The following PLEK2 variants were observed in gnomAD, a reference collection of about 807,000 sequenced individuals.
PLEK2 encodes pleckstrin-2.
PLEK2 carries 29 observed loss-of-function variants against 43.8 expected under a neutral mutation model. The observed-to-expected ratio is 0.66, with a 90% CI of 0.49 to 0.90. The LOEUF (loss-of-function observed/expected upper bound fraction) is 0.90. Ranked by LOEUF, PLEK2 falls within the 40% of genes least tolerant of loss-of-function variation. PLEK2 has a pLI of 0.00. For missense variants in PLEK2, 398 were observed against 448.1 expected, an observed-to-expected ratio of 0.89 and a Z score of 1.01; for synonymous variants, 162 against 173.2, an observed-to-expected ratio of 0.94 and a Z score of 0.51.
chr14:67,391,800 C>T (rs906445019), intron 6 of PLEK2, among the ~76,000 whole-genome samples: 1 of 152,152 alleles, frequency 6.6e-6, no homozygotes, highest in South Asian at 2.1e-4. Flanking sequence ...CTCCCAAACA[C>T]GGTTTAGGAG....
At chr14:67,401,414 A>G (rs982614593) in intron 1 of PLEK2, among the ~76,000 whole-genome samples, 1 of 152,150 alleles carries the variant, frequency 6.6e-6, no homozygotes, top group Non-Finnish European at 1.5e-5. Flanking sequence ...TGGGAGGCTG[A>G]GGTGGGAGGA....
rs762163629 is a variant in PLEK2 at position 67,395,540 on chromosome 14, A to G, written c.251T>C (p.Leu84Pro). The change falls in exon 3 of 9, where the codon CTG becomes CCG. Residue 84 changes from leucine to proline, a missense_variant. By Grantham distance (98) the Leu-to-Pro change is moderately conservative. Coordinates refer to ENST00000216446, the MANE Select transcript of PLEK2 (RefSeq NM_016445.3). The stretch of plus-strand genomic sequence containing the variant: ...CCGCTCCTCTCGAGAACAGGCCTCC[A>G]GGAAGTACTCCGTGGATGTTTGAGT... Reference protein sequence around the residue: ...LKTQTSTEYFLEACSREERDA... With the variant: ...LKTQTSTEYFPEACSREERDA... 2 of 1,614,206 alleles carry G rather than the reference A, an allele frequency of 1.2e-6. No individual in the cohort carries two copies. The highest frequency in any genetic ancestry group is 1.7e-6 in the Non-Finnish European group (2 of 1,180,010).
intron 8 of PLEK2, 70 bp downstream of exon 8, chr14:67,388,154 G>A: frequency 2.1e-6 from 2 of 947,982 alleles, no homozygotes; most frequent in South Asian, 1.3e-5. Context: ...CATTTCATTA[G>A]TGGGACATTA....
chr14:67,405,608 T>C (rs2086073374), intron 1 of PLEK2, among the ~76,000 whole-genome samples: 2 of 152,192 alleles, frequency 1.3e-5, no homozygotes, highest in Admixed American at 6.5e-5. Context: ...TGTATGGCAA[T>C]ATGGCAGAGT....
intron 2 of PLEK2, among the ~76,000 whole-genome samples, chr14:67,396,725 G>A (rs1434569812): frequency 6.6e-6 from 1 of 152,246 alleles, no homozygotes; most frequent in East Asian, 1.9e-4. Context: ...GACCCAGCCT[G>A]AAATATCTTT....
Position 67,392,055 on chromosome 14 carries a change from AGTT to A in PLEK2, c.771+268_771+270del, listed in dbSNP as rs1234778990. ...ATGTGAAGCTGGGCAATTGTGTAGA[AGTT>A]GTTTTTTGATGTTGTGATAATTGTG... On this transcript the variant is annotated intron_variant, in intron 6 of 8. Transcript: ENST00000216446. Among the ~76,000 whole-genome samples, 13 of 152,224 alleles carry A rather than the reference AGTT, an allele frequency of 8.5e-5. No homozygotes were observed. The East Asian group carries it at 2.3e-3, about 27-fold the overall frequency.
At position 67,411,951 on chromosome 14, in the gene PLEK2, C is replaced by T; in HGVS notation, c.42+67G>A. On this transcript the variant is annotated intron_variant, in intron 1 of 8. Coordinates refer to ENST00000216446, the MANE Select transcript of PLEK2 (RefSeq NM_016445.3). ...CCCGTTCCGGGGCGCGCGTCTGGCC[C>T]CGCTCTAGGGAGCCGCGTCGGCGGG... 2.8e-6 allele frequency: 4 copies of T among 1,414,282 alleles called. No individual in the cohort carries two copies. In the South Asian group the frequency reaches 5.1e-5, roughly 18 times the overall value. 87.6% of individuals were successfully genotyped at this position (1,414,282 alleles called of 1,614,324 possible).
intron 1 of PLEK2, 66 bp downstream of exon 1, chr14:67,411,952 C>T: frequency 2.1e-6 from 3 of 1,416,724 alleles, no homozygotes; most frequent in South Asian, 1.3e-5. Flanking sequence ...CGTCTGGCCC[C>T]GCTCTAGGGA....
chr14:67,403,108 G>C (rs943976352), intron 1 of PLEK2, among the ~76,000 whole-genome samples: 6 of 152,168 alleles, frequency 3.9e-5, no homozygotes, highest in Non-Finnish European at 7.4e-5. Flanking sequence ...TTGGATAAAA[G>C]CTATTTTAAC....
intron 1 of PLEK2, among the ~76,000 whole-genome samples, chr14:67,403,381 G>C (rs1484604829): frequency 6.6e-6 from 1 of 152,200 alleles, no homozygotes; most frequent in Non-Finnish European, 1.5e-5. Flanking sequence ...GTGGCAAACA[G>C]AGTCAGCAGT....
In PLEK2 at chr14:67,412,033, GC is replaced by G; in HGVS notation, c.26del (p.Gly9AlafsTer36). 1 of 1,557,828 alleles carries G rather than the reference GC, an allele frequency of 6.4e-7. No homozygotes were observed. Among genetic ancestry groups the G allele is most frequent in the Non-Finnish European group, 8.7e-7 (1 of 1,154,718 alleles). On this transcript the variant is annotated frameshift_variant, in exon 1 of 9. Coordinates refer to ENST00000216446, the MANE Select transcript of PLEK2 (RefSeq NM_016445.3). LOFTEE classifies it high-confidence loss of function. Reference protein sequence around the residue: MEDGVLKEGFLVKRGHIVH... With the variant: MEDGVLKEXFLVKRGHIVH... ...GCGCACTCACCCTCTTGACCAGGAA[GC>G]CCTCCTTGAGCACGCCGTCCTCCAT...
At chr14:67,406,120 G>C (rs1368652190) in intron 1 of PLEK2, among the ~76,000 whole-genome samples, 1 of 152,040 alleles carries the variant, frequency 6.6e-6, no homozygotes, top group Non-Finnish European at 1.5e-5. Flanking sequence ...TTAGCTGGGC[G>C]TGGTGGTGGG....
intron 7 of PLEK2, 55 bp from the exon 8 acceptor site, chr14:67,388,357 T>C: frequency 9.6e-7 from 1 of 1,045,334 alleles, no homozygotes; most frequent in Non-Finnish European, 1.5e-6. Flanking sequence ...AAGGGAAGAG[T>C]TGCACTCCCC....
chr14:67,405,693 C>G (rs1595660629), intron 1 of PLEK2, among the ~76,000 whole-genome samples: 1 of 152,196 alleles, frequency 6.6e-6, no homozygotes, highest in South Asian at 2.1e-4. Context: ...CTCTTTCTCC[C>G]TCTGCCTCTC....
intron 1 of PLEK2, among the ~76,000 whole-genome samples, chr14:67,407,476 G>C (rs1181290512): frequency 6.6e-6 from 1 of 151,298 alleles, no homozygotes; most frequent in African/African-American, 2.4e-5. Flanking sequence ...GGTCTCATTT[G>C]GTTGCCGAGG....
At chr14:67,398,533 C>T (rs1228882615) in intron 1 of PLEK2, among the ~76,000 whole-genome samples, 5 of 151,920 alleles carry the variant, frequency 3.3e-5, no homozygotes, top group Non-Finnish European at 5.9e-5. Context: ...ATTTCTGCCA[C>T]CTGAGAACCA....
At chr14:67,393,274 C>A (rs372795799) in intron 3 of PLEK2, 33 bp from the exon 4 acceptor site, 1 of 1,480,488 alleles carries the variant, frequency 6.8e-7, no homozygotes, top group Non-Finnish European at 9.5e-7. Context: ...GAGAGGGAAC[C>A]CTCATCACGC....
Position 67,395,438 on chromosome 14 carries a change from C to A in PLEK2, c.353G>T (p.Arg118Ile). 6.2e-7 allele frequency: 1 copy of A among 1,614,012 alleles called. No homozygotes were observed. Among genetic ancestry groups the A allele is most frequent in the Non-Finnish European group, 8.5e-7 (1 of 1,179,890 alleles). Residue 118 changes from arginine to isoleucine, a missense_variant, in exon 3 of 9, where the codon AGA becomes ATA. Arg to Ile is a moderately conservative substitution (Grantham distance 97). Coordinates refer to ENST00000216446, the MANE Select transcript of PLEK2 (RefSeq NM_016445.3). The part of the protein sequence containing the change: ...PGKVQQLHSL[R>I]NSFKLPPHIS... ...GTGCGGGGGCAGCTTGAAGGAGTTT[C>A]TCAGGCTGTGCAGCTGCTGGACCTT...
intron 7 of PLEK2, among the ~76,000 whole-genome samples, chr14:67,389,333 G>A (rs1297329283): frequency 6.6e-6 from 1 of 152,150 alleles, no homozygotes; most frequent in Non-Finnish European, 1.5e-5. Context: ...GGGAGGACAG[G>A]AGAGTCCTGT....
Sources: gnomAD v4.1 joint callset for allele counts (sites outside exome capture counted in the v4.1 genomes callset) on GRCh38, gnomAD v4.1.1 for gene constraint, MANE v1.5 for transcripts, NCBI Gene and HGNC (gene_info 2026-07-23, HGNC 2026-07-21) for gene names.